The following SF3B1 variants were observed in gnomAD, a reference collection of about 807,000 sequenced individuals.
SF3B1 encodes splicing factor 3b subunit 1, also known as pre-mRNA processing 10.
SF3B1 carries 12 observed loss-of-function variants against 153.8 expected under a neutral mutation model. The ratio of observed to expected loss-of-function variants is 0.08; its 90% CI spans 0.05 to 0.13. SF3B1 has a LOEUF of 0.13. Ranked by LOEUF, SF3B1 falls within the 10% of genes least tolerant of loss-of-function variation. The probability of loss-of-function intolerance (pLI) is 1.00; values close to 1 mark genes in which losing one functional copy is unlikely to be tolerated. For missense variants in SF3B1, 513 were observed against 1,606.1 expected (o/e 0.32, Z 11.63); for synonymous variants, 498 against 525.2 (o/e 0.95, Z 0.71).
chr2:197,422,832 G>A (rs770385969), intron 2 of SF3B1, among the ~76,000 whole-genome samples: 34 of 151,878 alleles, frequency 2.2e-4, no homozygotes, highest in Non-Finnish European at 3.2e-4. Flanking sequence ...GGAGCATGCA[G>A]TAAGCCAAGA....
At chr2:197,420,725 C>T (rs1405283043) in intron 3 of SF3B1, among the ~76,000 whole-genome samples, 183 bp from the exon 4 acceptor site, 1 of 152,074 alleles carries the variant, frequency 6.6e-6, no homozygotes, top group East Asian at 1.9e-4. Flanking sequence ...AGGTAATATA[C>T]ATATCCACAT....
chr2:197,425,579 C>A (rs1477064921), intron 1 of SF3B1, among the ~76,000 whole-genome samples: 1 of 151,988 alleles, frequency 6.6e-6, no homozygotes, highest in African/African-American at 2.4e-5. Flanking sequence ...AACCTCCCAC[C>A]CCCCCAGCTA....
rs1310362078 is a variant in SF3B1, at chr2:197,396,526, A to ATTT, written c.3267-199_3267-198insAAA. The stretch of plus-strand genomic sequence containing the variant: ...TCATATAAATTAAAAGGTCAGTTTA[A>ATTT]AAAAGTTGACTCTGAGAAGATCAGA... On this transcript the variant is annotated intron_variant, in intron 22 of 24. Coordinates refer to ENST00000335508, the MANE Select transcript of SF3B1 (RefSeq NM_012433.4). Among the ~76,000 whole-genome samples, 138 of 152,360 alleles carry ATTT rather than the reference A, an allele frequency of 9.1e-4. 1 individual carries two copies. The highest frequency in any genetic ancestry group is 3.2e-3 in the African/African-American group (131 of 41,580).
intron 24 of SF3B1, 25 bp downstream of exon 24, chr2:197,392,947 A>T: frequency 7.1e-7 from 1 of 1,412,312 alleles, no homozygotes; most frequent in Non-Finnish European, 9.8e-7. Flanking sequence ...AAAATCACCG[A>T]TTAAAAAAAA....
At chr2:197,432,617 C>A (rs1235295977) in intron 1 of SF3B1, among the ~76,000 whole-genome samples, 1 of 152,144 alleles carries the variant, frequency 6.6e-6, no homozygotes, top group East Asian at 1.9e-4. Context: ...TGCCAGTAAT[C>A]CCAGCACTTT....
rs2084809764 is a variant in SF3B1 at position 197,391,510 on chromosome 2, C to A, written c.*793G>T. On this transcript the variant is annotated 3_prime_UTR_variant, in exon 25 of 25. Transcript: ENST00000335508. ...AAAGCCCAACATTGTCCTGTTCTAT[C>A]AGCATTACTTAGGTATCCTCACTCC... The A allele has an allele frequency of 6.6e-6, 1 of 152,230 alleles. No homozygotes were observed. 9.4% of individuals were successfully genotyped at this position (152,230 alleles called of 1,614,324 possible).
chr2:197,424,395 G>A (rs536585969), intron 1 of SF3B1, among the ~76,000 whole-genome samples: 1 of 152,152 alleles, frequency 6.6e-6, no homozygotes, highest in Admixed American at 6.5e-5. Flanking sequence ...CAGGTATTTG[G>A]GAAGTTGAGG....
intron 23 of SF3B1, among the ~76,000 whole-genome samples, chr2:197,394,411 AAAGTTT>A (rs2084851884): frequency 6.6e-6 from 1 of 152,172 alleles, no homozygotes; most frequent in African/African-American, 2.4e-5. Flanking sequence ...CTTCTCACGT[AAAGTTT>A]AAGTTTCATT....
chr2:197,420,072 T>C (rs2085215102), intron 4 of SF3B1: 1 of 258,744 alleles, frequency 3.9e-6, no homozygotes, highest in Admixed American at 5.3e-5. Flanking sequence ...CCTAAAAATC[T>C]AGGATTTGGA....
At chr2:197,417,042 T>C (rs191196291) in intron 5 of SF3B1, 131 bp from the exon 6 acceptor site, 2 of 864,574 alleles carry the variant, frequency 2.3e-6, no homozygotes, top group East Asian at 5.1e-5. Flanking sequence ...GGTGATCTCC[T>C]TTCTACGCTC....
At chr2:197,412,416 C>T (rs924525265) in intron 6 of SF3B1, among the ~76,000 whole-genome samples, 1 of 151,572 alleles carries the variant, frequency 6.6e-6, no homozygotes, top group South Asian at 2.1e-4. Flanking sequence ...AGTCCAATGG[C>T]GCAGTCTCGG....
chr2:197,398,593 A>C lies in SF3B1; in HGVS notation c.3014-12T>G. On this transcript the variant is annotated splice_polypyrimidine_tract_variant and intron_variant, in intron 20 of 24. Transcript: ENST00000335508. ...CATCTTATGCATACCTATTTAATAG[A>C]AGTCAATAAACTATCAACATTTGAA... 6.2e-7 allele frequency: 1 copy of C among 1,609,104 alleles called. No individual in the cohort carries two copies.
chr2:197,412,001 T>G (rs1358983982), intron 6 of SF3B1, among the ~76,000 whole-genome samples: 1 of 150,292 alleles, frequency 6.7e-6, no homozygotes, highest in Non-Finnish European at 1.5e-5. Flanking sequence ...TTCCAGCTAC[T>G]CAGGAGGGTG....
At position 197,408,460 on chromosome 2, in the gene SF3B1, T is replaced by C; in HGVS notation, c.1026A>G (p.Pro342=). ...GAGTGCTTCCACCCATCTGACTAGC[T>C]GGTGTTTCATCCCACCGTGATTTTC... The part of the protein sequence containing the change: ...SKRKSRWDET[P]ASQMGGSTPV... Residue 342 remains proline (P), a synonymous_variant, in exon 8 of 25, where the codon CCA becomes CCG. Transcript: ENST00000335508. 6.2e-7 allele frequency: 1 copy of C among 1,614,122 alleles called. No individual in the cohort carries two copies. The highest frequency in any genetic ancestry group is 8.5e-7 in the Non-Finnish European group (1 of 1,180,028).
rs1382960920 is a variant in SF3B1, at chr2:197,392,268, G to A, written c.*35C>T. On this transcript the variant is annotated 3_prime_UTR_variant, in exon 25 of 25. Coordinates refer to ENST00000335508, the MANE Select transcript of SF3B1 (RefSeq NM_012433.4). ...AATCAAAGCAAGTTTAAGGTGTGAA[G>A]TAGCTGTGCATTAAACACAAAATAA... The A allele has an allele frequency of 2.3e-6, 2 of 859,946 alleles. No individual in the cohort carries two copies. Among genetic ancestry groups the A allele is most frequent in the Admixed American group, 2.0e-5 (1 of 51,200 alleles). 53.3% of individuals were successfully genotyped at this position (859,946 alleles called of 1,614,324 possible). A position where few individuals can be genotyped will look rare whatever the true frequency, so the allele number is the denominator to read the frequency against.
chr2:197,430,734 G>C (rs572384499), intron 1 of SF3B1, among the ~76,000 whole-genome samples: 1 of 152,152 alleles, frequency 6.6e-6, no homozygotes, highest in African/African-American at 2.4e-5. Flanking sequence ...GATTACAGGC[G>C]TAAGCCACCG....
At chr2:197,394,791 G>C (rs947627572) in intron 23 of SF3B1, among the ~76,000 whole-genome samples, 1 of 152,140 alleles carries the variant, frequency 6.6e-6, no homozygotes, top group Admixed American at 6.5e-5. Flanking sequence ...TGTAGTCCCA[G>C]CTACTTGGGA....
Position 197,401,824 on chromosome 2 carries a change from T to G in SF3B1, c.2288A>C (p.Asn763Thr), listed in dbSNP as rs1296813287. 6.2e-7 allele frequency: 1 copy of G among 1,612,518 alleles called. No homozygotes were observed. Among genetic ancestry groups the G allele is most frequent in the East Asian group, 2.2e-5 (1 of 44,812 alleles). Residue 763 changes from asparagine to threonine, a missense_variant, in exon 16 of 25, where the codon AAC becomes ACC. This residue lies in a region of SF3B1 where 50 missense variants were observed against 236.5 expected (regional missense o/e 0.21). Transcript: ENST00000335508. This position sits in a 1 kb window ranked among gnomAD's most constrained non-coding sequence, Gnocchi z 4.2. ...TAACATCACTTCTCTAGTATAGTAG[T>G]TGGCATATTCTGCATCCATAAGAGG... ...LIPLMDAEYA[N>T]YYTREVMLIL...
chr2:197,431,783 A>C (rs1316456346), intron 1 of SF3B1, among the ~76,000 whole-genome samples: 2 of 152,176 alleles, frequency 1.3e-5, no homozygotes, highest in Non-Finnish European at 2.9e-5. Flanking sequence ...TTTACTGAAC[A>C]CTACAAACAA....
Sources: gnomAD v4.1 joint callset for allele counts (sites outside exome capture counted in the v4.1 genomes callset) on GRCh38, gnomAD v4.1.1 for gene constraint, gnomAD v4.1.1 regional missense constraint, Gnocchi (gnomAD v3.1) non-coding constraint, MANE v1.5 for transcripts, NCBI Gene and HGNC (gene_info 2026-07-23, HGNC 2026-07-21) for gene names.